Variants in CCKBR observed in about 807,000 individuals in gnomAD.
CCKBR encodes cholecystokinin B receptor.
CCKBR carries 33 observed loss-of-function variants against 34.6 expected under a neutral mutation model. The ratio of observed to expected loss-of-function variants is 0.95; its 90% CI spans 0.72 to 1.27. CCKBR has a LOEUF of 1.27. CCKBR is among the 50% of genes most tolerant of loss of function. The probability of loss-of-function intolerance (pLI) is 0.00; values close to 1 mark genes in which losing one functional copy is unlikely to be tolerated. For synonymous variants in CCKBR, 269 were observed against 267.5 expected (o/e 1.01, Z -0.06); for missense variants, 652 against 617.4 (o/e 1.06, Z -0.59).
chr11:6,262,583 G>A (rs921199735), intron 1 of CCKBR, among the ~76,000 whole-genome samples: 1 of 151,996 alleles, frequency 6.6e-6, no homozygotes, highest in Non-Finnish European at 1.5e-5. Context: ...AGGTATTGAG[G>A]CTTGACTATG....
chr11:6,264,634 G>A (rs1258878914), intron 1 of CCKBR: 6 of 674,820 alleles, frequency 8.9e-6, no homozygotes, highest in Non-Finnish European at 1.1e-5. Flanking sequence ...ACCCCAGCAG[G>A]TGCTATCTCC....
intron 1 of CCKBR, chr11:6,264,440 AT>A (rs999582797): frequency 9.6e-6 from 6 of 624,904 alleles, no homozygotes; most frequent in African/African-American, 1.9e-5. Flanking sequence ...CGTTGTCTGG[AT>A]TTTTGCACTC....
chr11:6,268,981 G>C (rs1848248043), intron 1 of CCKBR, among the ~76,000 whole-genome samples: 1 of 151,866 alleles, frequency 6.6e-6, no homozygotes, highest in Non-Finnish European at 1.5e-5. Context: ...AAACCAGCTT[G>C]AGCAGGGAGA....
intron 3 of CCKBR, 49 bp downstream of exon 3, chr11:6,270,386 A>G (rs1848280213): frequency 6.3e-7 from 1 of 1,578,030 alleles, no homozygotes; most frequent in South Asian, 1.1e-5. Flanking sequence ...CACCCCTATT[A>G]GATGCTTACG....
rs1848316538 is a variant in CCKBR, at chr11:6,271,530, T to C, written c.1331T>C (p.Leu444Pro). ...SRLSYTTIST[L>P]GPG The stretch of plus-strand genomic sequence containing the variant: ...CTTAGCTACACCACCATCAGCACAC[T>C]GGGCCCTGGCTGAGGAGTAGAGGGG... Residue 444 changes from leucine to proline, a missense_variant, in exon 5 of 5, where the codon CTG (leucine) becomes CCG (proline). Physicochemically the swap from Leu to Pro is moderately conservative, Grantham distance 98. Transcript: ENST00000334619. The C allele has an allele frequency of 6.3e-7, 1 of 1,595,896 alleles. No homozygotes were observed. The highest frequency in any genetic ancestry group is 8.5e-7 in the Non-Finnish European group (1 of 1,170,864).
intron 3 of CCKBR, 138 bp downstream of exon 3, chr11:6,270,475 T>A: frequency 7.1e-7 from 1 of 1,410,372 alleles, no homozygotes; most frequent in Admixed American, 2.1e-5. Flanking sequence ...ACCCTGGAGT[T>A]CCAGTTTGGG....
intron 1 of CCKBR, among the ~76,000 whole-genome samples, chr11:6,269,150 ATTTTTT>A (rs540603471): frequency 3.0e-4 from 13 of 43,252 alleles, no homozygotes; most frequent in Non-Finnish European, 1.1e-4. Flanking sequence ...TAAGTGAAGT[ATTTTTT>A]TTTTTTTTTT....
chr11:6,268,475 T>C (rs1226026873), intron 1 of CCKBR, among the ~76,000 whole-genome samples: 7 of 152,308 alleles, frequency 4.6e-5, no homozygotes, highest in Admixed American at 1.3e-4. Context: ...CATCTTTTAA[T>C]AGACAATGAC....
At position 6,270,264 on chromosome 11, in the gene CCKBR, G is replaced by A; in HGVS notation, c.580G>A (p.Val194Ile). Residue 194 changes from valine (V) to isoleucine (I), a missense_variant, in exon 3 of 5, where the codon GTC (valine) becomes ATC (isoleucine). Val to Ile is a conservative substitution (Grantham distance 29). Transcript: ENST00000334619. Reference protein sequence around the residue: ...LLMVPYPVYTVVQPVGPRVLQ... With the variant: ...LLMVPYPVYTIVQPVGPRVLQ... ...CATGGTGCCCTACCCCGTGTACACT[G>A]TCGTGCAACCAGTGGGGCCTCGTGT... 3 of 1,613,310 alleles carry A rather than the reference G, an allele frequency of 1.9e-6. No individual in the cohort carries two copies. Among genetic ancestry groups the A allele is most frequent in the Non-Finnish European group, 2.5e-6 (3 of 1,180,040 alleles).
chr11:6,269,390 A>G (rs541097319), intron 1 of CCKBR, among the ~76,000 whole-genome samples: 2 of 152,308 alleles, frequency 1.3e-5, no homozygotes, highest in African/African-American at 2.4e-5. Context: ...AGACACAAAT[A>G]TCCTCTTAAG....
At chr11:6,267,717 G>A (rs1371878728) in intron 1 of CCKBR, among the ~76,000 whole-genome samples, 1 of 152,160 alleles carries the variant, frequency 6.6e-6, no homozygotes, top group East Asian at 1.9e-4. Flanking sequence ...TTATATGACT[G>A]ACAGCACAGT....
At chr11:6,261,686 A>G (rs1468530452) in intron 1 of CCKBR, among the ~76,000 whole-genome samples, 1 of 152,156 alleles carries the variant, frequency 6.6e-6, no homozygotes, top group Non-Finnish European at 1.5e-5. Flanking sequence ...AGACCAGCCT[A>G]GAGGGTTTGC....
chr11:6,260,065 GA>G lies in CCKBR; in HGVS notation c.138del (p.Ala47ProfsTer17). On this transcript the variant is annotated frameshift_variant, in exon 1 of 5. Coordinates refer to ENST00000334619, the MANE Select transcript of CCKBR (RefSeq NM_176875.4). LOFTEE classifies it high-confidence loss of function. ...NLSCEPPRIR[G>X]AGTRELELAI... ...AGCTGCGAGCCCCCTCGCATTCGCGGAGCCGGGACACGAGGTGGGTGCCTCC... is the reference window on the plus strand; with the variant it reads ...AGCTGCGAGCCCCCTCGCATTCGCGGGCCGGGACACGAGGTGGGTGCCTCC... 2 of 1,593,810 alleles carry G rather than the reference GA, an allele frequency of 1.3e-6. No homozygotes were observed. Among genetic ancestry groups the G allele is most frequent in the Non-Finnish European group, 1.7e-6 (2 of 1,173,046 alleles).
chr11:6,271,187 C>G lies in CCKBR; in HGVS notation c.988C>G (p.Arg330Gly). The G allele has an allele frequency of 6.2e-7, 1 of 1,614,148 alleles. No homozygotes were observed. The highest frequency in any genetic ancestry group is 8.5e-7 in the Non-Finnish European group (1 of 1,180,032). ...CCAGGCCAAGCTGCTGGCTAAGAAG[C>G]GCGTGGTGCGAATGTTGCTGGTGAT... ...PTQAKLLAKK[R>G]VVRMLLVIVV... is the part of the protein sequence containing the mutation. Residue 330 changes from arginine to glycine, a missense_variant, in exon 5 of 5, where the codon CGC becomes GGC. By Grantham distance (125) the Arg-to-Gly change is moderately radical (BLOSUM62 -2). Transcript: ENST00000334619.
intron 1 of CCKBR, among the ~76,000 whole-genome samples, chr11:6,263,958 A>G (rs1365248963): frequency 1.3e-5 from 2 of 152,250 alleles, no homozygotes; most frequent in African/African-American, 4.8e-5. Context: ...ACAAAATGTT[A>G]TCTACAGAGA....
chr11:6,272,111 T>C lies in CCKBR; in HGVS notation c.*568T>C, dbSNP rs1338527918. The C allele has an allele frequency of 1.3e-5, 2 of 152,752 alleles. No homozygotes were observed. Among genetic ancestry groups the C allele is most frequent in the Admixed American group, 1.3e-4 (2 of 15,292 alleles). 9.5% of individuals were successfully genotyped at this position (152,752 alleles called of 1,614,324 possible). A position where few individuals can be genotyped will look rare whatever the true frequency, so the allele number is the denominator to read the frequency against. On this transcript the variant is annotated 3_prime_UTR_variant, in exon 5 of 5. Transcript: ENST00000334619. ...AAACTGTTCAAGAAATAATAAATTG[T>C]TTGGCTTCCTCCTGAACTTCCTTTC... is the stretch of plus-strand genomic sequence containing the variant.
chr11:6,270,879 G>A (rs1848293910), intron 4 of CCKBR, 76 bp downstream of exon 4: 1 of 1,611,718 alleles, frequency 6.2e-7, no homozygotes, highest in African/African-American at 1.3e-5. Context: ...GGAGTGGGTG[G>A]GACTGAAATG....
At chr11:6,270,836 G>A (rs781273316) in intron 4 of CCKBR, 33 bp downstream of exon 4, 2 of 1,613,704 alleles carry the variant, frequency 1.2e-6, no homozygotes, top group South Asian at 1.1e-5. Flanking sequence ...AAATCTGGGC[G>A]AGGCGGAGCT....
At chr11:6,264,291 GAC>G (rs1187018701) in intron 1 of CCKBR, among the ~76,000 whole-genome samples, 1 of 152,224 alleles carries the variant, frequency 6.6e-6, no homozygotes, top group East Asian at 1.9e-4. Context: ...TTATCATAGA[GAC>G]AAGGGTATTA....
Sources: allele counts gnomAD v4.1 joint callset (sites outside exome capture counted in the v4.1 genomes callset), GRCh38; gene constraint gnomAD v4.1.1; transcripts MANE v1.5; gene names NCBI Gene and HGNC (gene_info 2026-07-23, HGNC 2026-07-21).